MTMR10: variants seen among roughly 807,000 people sequenced by gnomAD.
The protein encoded by MTMR10 is myotubularin-related protein 10.
MTMR10 carries 56 observed loss-of-function variants against 88.1 expected under a neutral mutation model. The ratio of observed to expected loss-of-function variants is 0.64; its 90% CI spans 0.51 to 0.79. MTMR10 has a LOEUF of 0.79. Ranked by LOEUF, MTMR10 falls within the 30% of genes least tolerant of loss-of-function variation. The pLI is 0.00. For synonymous variants in MTMR10, 380 were observed against 340.9 expected (o/e 1.11, Z -1.26); for missense variants, 883 against 924.7 (o/e 0.95, Z 0.58).
At chr15:30,936,007 TTTTC>T (rs1195365080), downstream of MTMR10, among the ~76,000 whole-genome samples, 2 of 152,292 alleles carry the variant, frequency 1.3e-5, no homozygotes, top group African/African-American at 2.4e-5. Context: ...TTTGGCCATT[TTTTC>T]TTTAAGTATT....
Position 30,948,282 on chromosome 15 carries a change from AG to A in MTMR10, c.1377+19del, listed in dbSNP as rs753182515. ...TGTGTATCCTTAAAGACTGATAAAA[AG>A]GCATCAAGATTTTGTTACCTCTTTC... On this transcript the variant is annotated intron_variant, in intron 13 of 15. Coordinates refer to ENST00000435680, the MANE Select transcript of MTMR10 (RefSeq NM_017762.3). The A allele has an allele frequency of 6.3e-7, 1 of 1,597,866 alleles. No individual in the cohort carries two copies. The highest frequency in any genetic ancestry group is 8.5e-7 in the Non-Finnish European group (1 of 1,172,922).
downstream of MTMR10, among the ~76,000 whole-genome samples, chr15:30,937,808 T>G (rs895101475): frequency 6.6e-6 from 1 of 152,032 alleles, no homozygotes; most frequent in African/African-American, 2.4e-5. Flanking sequence ...TTATTGGAGC[T>G]GGATGCATCT....
chr15:30,965,944 T>G, intron 6 of MTMR10: 1 of 443,018 alleles, frequency 2.3e-6, no homozygotes, highest in Non-Finnish European at 4.6e-6. Flanking sequence ...CAAGAGTGGA[T>G]GAGTGGGCAT....
chr15:30,976,354 C>A (rs543266849), intron 3 of MTMR10, among the ~76,000 whole-genome samples: 1 of 151,890 alleles, frequency 6.6e-6, no homozygotes, highest in Non-Finnish European at 1.5e-5. Context: ...TGCAGTGAGC[C>A]GACATCATGC....
At position 30,941,413 on chromosome 15, in the gene MTMR10, T is replaced by G; in HGVS notation, c.*57A>C. Reference sequence around the variant, plus strand: ...ATTCAAACGCCTAGGTTAGCAATGTTAATTCAGAGGAAAAAAGTTGACAGC... The same window carrying G: ...ATTCAAACGCCTAGGTTAGCAATGTGAATTCAGAGGAAAAAAGTTGACAGC... On this transcript the variant is annotated 3_prime_UTR_variant, in exon 16 of 16. Coordinates refer to ENST00000435680, the MANE Select transcript of MTMR10 (RefSeq NM_017762.3). 6.4e-7 allele frequency: 1 copy of G among 1,563,848 alleles called. No homozygotes were observed. The highest frequency in any genetic ancestry group is 2.3e-5 in the East Asian group (1 of 44,352).
Position 30,940,599 on chromosome 15 carries a change from T to C in MTMR10, c.*871A>G, listed in dbSNP as rs896924729. On this transcript the variant is annotated 3_prime_UTR_variant, in exon 16 of 16. Coordinates refer to ENST00000435680, the MANE Select transcript of MTMR10 (RefSeq NM_017762.3). ...CTTGTTTGTTTTTGAGGGCGAGTTT[T>C]GGCATAGATGGCACTCTCCTGTCTA... 5.1e-6 allele frequency: 5 copies of C among 985,318 alleles called. No individual in the cohort carries two copies. The highest frequency in any genetic ancestry group is 3.5e-5 in the African/African-American group (2 of 57,198). The allele number at this position is 985,318 out of a possible 1,614,324, so 61.0% of individuals were successfully genotyped here. A position where few individuals can be genotyped will look rare whatever the true frequency, so the allele number is the denominator to read the frequency against.
downstream of MTMR10, chr15:30,936,968 A>G: frequency 1.5e-6 from 1 of 648,574 alleles, no homozygotes; most frequent in East Asian, 2.7e-5. Flanking sequence ...ATTGTAAGTG[A>G]AGGACCATCC....
Position 30,947,210 on chromosome 15 carries a change from C to T in MTMR10, c.1468G>A (p.Val490Met). Residue 490 changes from valine (V) to methionine (M), a missense_variant, in exon 14 of 16, where the codon GTG (valine) becomes ATG (methionine). By Grantham distance (21) the Val-to-Met change is conservative (BLOSUM62 1). Coordinates refer to ENST00000435680, the MANE Select transcript of MTMR10 (RefSeq NM_017762.3). Reference sequence around the variant, plus strand: ...GAGATCCGGGTGCTGTCATACAACACTGCCAGGTAGGTTTCGGAGAACTCA... The same window carrying T: ...GAGATCCGGGTGCTGTCATACAACATTGCCAGGTAGGTTTCGGAGAACTCA... ...AFEFSETYLA[V>M]LYDSTRISLF... 6.2e-7 allele frequency: 1 copy of T among 1,614,008 alleles called. No homozygotes were observed.
chr15:30,959,192 T>C (rs1297657202), intron 7 of MTMR10, 71 bp from the exon 8 acceptor site: 10 of 1,334,558 alleles, frequency 7.5e-6, no homozygotes, highest in Non-Finnish European at 8.2e-6. Flanking sequence ...GCAGACCCTA[T>C]AAATAATTAA....
chr15:30,955,099 G>T (rs899491756), intron 9 of MTMR10, among the ~76,000 whole-genome samples: 1 of 151,504 alleles, frequency 6.6e-6, no homozygotes, highest in African/African-American at 2.4e-5. Context: ...TTCTCTGCAT[G>T]ATTTTTCTGT....
chr15:30,937,060 T>C, downstream of MTMR10: 1 of 1,449,458 alleles, frequency 6.9e-7, no homozygotes. Context: ...TACAACTTAC[T>C]TGAATGGCTT....
intron 5 of MTMR10, among the ~76,000 whole-genome samples, chr15:30,971,320 T>C (rs2063535337): frequency 6.6e-6 from 1 of 152,200 alleles, no homozygotes; most frequent in African/African-American, 2.4e-5. Flanking sequence ...TAATCTTCTC[T>C]GGACAGAAGC....
chr15:30,933,149 T>A, the MTMR10 span, among the ~76,000 whole-genome samples: 110 of 152,354 alleles, frequency 7.2e-4, 1 homozygote, highest in Middle Eastern at 3.4e-3. Context: ...ATCAATTTAC[T>A]GATTTTCTCG....
At chr15:30,938,616 T>C (rs1013233336), downstream of MTMR10, among the ~76,000 whole-genome samples, 1 of 152,172 alleles carries the variant, frequency 6.6e-6, no homozygotes, top group Non-Finnish European at 1.5e-5. Context: ...GATTTATCCA[T>C]GCGCCAGGCC....
rs201198639 is a variant in MTMR10 at position 30,967,998 on chromosome 15, T to C, written c.487A>G (p.Ile163Val). Reference protein sequence around the residue: ...PESAKKVCLAIAHYSQPTDLQ... With the variant: ...PESAKKVCLAVAHYSQPTDLQ... ...TCTGTTGGCTGGGAATAATGAGCTATTGCAAGGCATACCTAGGAAAAATTC... is the reference window on the plus strand; with the variant it reads ...TCTGTTGGCTGGGAATAATGAGCTACTGCAAGGCATACCTAGGAAAAATTC... The change falls in exon 6 of 16, where the codon ATA (isoleucine) becomes GTA (valine). Residue 163 changes from isoleucine (I) to valine (V), a missense_variant. Ile to Val is a conservative substitution (Grantham distance 29, BLOSUM62 3). This residue lies in a region of MTMR10 where 414 missense variants were observed against 423.2 expected (regional missense o/e 0.98). Coordinates refer to ENST00000435680, the MANE Select transcript of MTMR10 (RefSeq NM_017762.3). 1.2e-3 allele frequency: 1,931 copies of C among 1,565,832 alleles called. 4 individuals are homozygous for C. The highest frequency in any genetic ancestry group is 1.6e-3 in the Non-Finnish European group (1,818 of 1,153,922).
chr15:30,983,309 T>TG (rs1406975365), intron 2 of MTMR10, among the ~76,000 whole-genome samples: 3 of 152,210 alleles, frequency 2.0e-5, no homozygotes, highest in African/African-American at 7.2e-5. Flanking sequence ...TAGAGGATGA[T>TG]GAGCCAAAGG....
At chr15:30,991,077 G>C (rs1312340887) in intron 1 of MTMR10, among the ~76,000 whole-genome samples, 3 of 152,160 alleles carry the variant, frequency 2.0e-5, no homozygotes, top group African/African-American at 4.8e-5. Context: ...TATGACAGAC[G>C]GGTAACCGCC....
the MTMR10 span, chr15:30,927,492 G>A: frequency 1.0e-6 from 1 of 985,606 alleles, no homozygotes. Context: ...CACAGCCTCA[G>A]AAGTGCAGGA....
rs1019469429 is a variant in MTMR10, at chr15:30,942,180, G to T, written c.1732-108C>A. ...ACTATGAAAAATTAATGGAATTTCA[G>T]CCTCAAAGAACATTTTCCTCCCTTC... On this transcript the variant is annotated intron_variant, in intron 15 of 15. Transcript: ENST00000435680. 8.3e-6 allele frequency: 11 copies of T among 1,328,328 alleles called. No individual in the cohort carries two copies. In the African/African-American group the frequency reaches 1.5e-4, roughly 18 times the overall value. 82.3% of individuals were successfully genotyped at this position (1,328,328 alleles called of 1,614,324 possible).
Sources: allele counts gnomAD v4.1 joint callset (sites outside exome capture counted in the v4.1 genomes callset), GRCh38; gene constraint gnomAD v4.1.1; regional missense constraint gnomAD v4.1.1; transcripts MANE v1.5; gene names NCBI Gene and HGNC (gene_info 2026-07-23, HGNC 2026-07-21).